The following PAH variants were observed in gnomAD, a reference collection of about 807,000 sequenced individuals.
The protein encoded by PAH is phenylalanine-4-hydroxylase.
In PAH, 64 loss-of-function variants were observed where a neutral mutation model predicts 62.0. The observed-to-expected ratio is 1.03, with a 90% CI of 0.84 to 1.27. PAH has a LOEUF of 1.27. Ranked by LOEUF, PAH falls within the 50% of genes most tolerant of loss-of-function variation. The pLI is 0.00. For synonymous variants in PAH, 195 were observed against 196.2 expected (o/e 0.99, Z 0.05); for missense variants, 579 against 542.8 (o/e 1.07, Z -0.66).
At position 102,931,062 on chromosome 12, in the gene PAH, C is replaced by T. The variant is rs758018837; in HGVS notation, c.-95-13837G>A. On this transcript the variant is annotated intron_variant, in intron 1 of 3. Transcript: ENST00000546844. ...AAAAATACAGAAACAGTTACTATAG[C>T]GGTTGATTAGATAATTTATTAATAA... Among the ~76,000 whole-genome samples the T allele has an allele frequency of 1.1e-4, 16 of 152,066 alleles. No individual in the cohort carries two copies. In the East Asian group the frequency reaches 1.2e-3, roughly 11 times the overall value.
chr12:102,903,080 G>C (rs1347067720), intron 2 of PAH, among the ~76,000 whole-genome samples: 1 of 152,206 alleles, frequency 6.6e-6, no homozygotes, highest in Non-Finnish European at 1.5e-5. Context: ...GACCCTGTGG[G>C]CTGGGCACGG....
intron 2 of PAH, among the ~76,000 whole-genome samples, chr12:102,902,284 G>A (rs1440299468): frequency 6.6e-6 from 1 of 152,222 alleles, no homozygotes; most frequent in Non-Finnish European, 1.5e-5. Flanking sequence ...ACCAGGCAGA[G>A]AAGTTACCAG....
chr12:102,932,273 T>TA (rs1255985680), intron 1 of PAH, among the ~76,000 whole-genome samples: 1 of 152,322 alleles, frequency 6.6e-6, no homozygotes, highest in Admixed American at 6.5e-5. Flanking sequence ...TTCTTATACT[T>TA]ACAGCTTATG....
In PAH at chr12:102,855,222, T is replaced by C. The variant is rs62508721; in HGVS notation, c.620A>G (p.Asn207Ser). 2 of 1,614,112 alleles carry C rather than the reference T, an allele frequency of 1.2e-6. No homozygotes were observed. The highest frequency in any genetic ancestry group is 1.1e-5 in the South Asian group (1 of 91,088). The change falls in exon 6 of 13, where the codon AAT (asparagine) becomes AGT (serine). Residue 207 changes from asparagine to serine, a missense_variant. Coordinates refer to ENST00000553106, the MANE Select transcript of PAH (RefSeq NM_000277.3). ...CTTTTCAAGAAGTGGAAAAATGTGATTGTACTCATAGCAAGCATGGGTTTT... is the reference window on the plus strand; with the variant it reads ...CTTTTCAAGAAGTGGAAAAATGTGACTGTACTCATAGCAAGCATGGGTTTT... ...LYKTHACYEY[N>S]HIFPLLEKYC...
chr12:102,958,292 C>G, exon 1 of PAH: 2 of 1,479,434 alleles, frequency 1.4e-6, no homozygotes, highest in Non-Finnish European at 1.8e-6. Flanking sequence ...GCCAGCAGCC[C>G]CAGCCGCAGC....
At position 102,868,005 on chromosome 12, in the gene PAH, TATATAC is replaced by T. The variant is rs1565854545; in HGVS notation, c.442-1348_442-1343del. The stretch of plus-strand genomic sequence containing the variant: ...TAGATGTATATTACATGTATATATG[TATATAC>T]ATATATACATATATACATGTATATA... On this transcript the variant is annotated intron_variant, in intron 4 of 12. Coordinates refer to ENST00000553106, the MANE Select transcript of PAH (RefSeq NM_000277.3). Among the ~76,000 whole-genome samples the T allele has an allele frequency of 4.9e-4, 69 of 140,484 alleles. 2 individuals are homozygous for T. Among genetic ancestry groups the T allele is most frequent in the African/African-American group, 1.4e-3 (54 of 37,338 alleles). The allele number at this position is 140,484 out of a possible 152,430, so 92.2% of individuals were successfully genotyped here.
At chr12:102,851,966 C>T (rs528132036) in intron 7 of PAH, 9 of 559,834 alleles carry the variant, frequency 1.6e-5, no homozygotes, top group Middle Eastern at 4.8e-4. Flanking sequence ...AAATAAGAGA[C>T]AGGTGCAGGG....
At chr12:102,883,238 A>T (rs937509114) in intron 3 of PAH, among the ~76,000 whole-genome samples, 1 of 152,232 alleles carries the variant, frequency 6.6e-6, no homozygotes, top group Admixed American at 6.5e-5. Context: ...TTTATTTTTC[A>T]GAAGTACAGT....
chr12:102,939,915 T>G (rs999909483), intron 1 of PAH, among the ~76,000 whole-genome samples: 1 of 152,012 alleles, frequency 6.6e-6, no homozygotes, highest in Non-Finnish European at 1.5e-5. Context: ...GGCCAGCACT[T>G]GACTGGGAGA....
chr12:102,940,316 T>A (rs1879247130), intron 1 of PAH, among the ~76,000 whole-genome samples: 1 of 152,192 alleles, frequency 6.6e-6, no homozygotes, highest in Admixed American at 6.5e-5. Context: ...GTGATGCTTC[T>A]TAAGGAGAAT....
At position 102,844,440 on chromosome 12, in the gene PAH, G is replaced by A; in HGVS notation, c.970-9C>T. 4 of 1,591,506 alleles carry A rather than the reference G, an allele frequency of 2.5e-6. No individual in the cohort carries two copies. Among genetic ancestry groups the A allele is most frequent in the Non-Finnish European group, 3.4e-6 (4 of 1,159,856 alleles). ...ACAGTAAACCAGTAAATCTGGAATG[G>A]AAAGTCAATCTGAGAGCACACTCTA... On this transcript the variant is annotated splice_polypyrimidine_tract_variant and intron_variant, in intron 9 of 12. Coordinates refer to ENST00000553106, the MANE Select transcript of PAH (RefSeq NM_000277.3).
At chr12:102,923,393 G>A (rs1268284707) in intron 1 of PAH, among the ~76,000 whole-genome samples, 3 of 152,188 alleles carry the variant, frequency 2.0e-5, no homozygotes. Context: ...ACAGTTTGGT[G>A]AAATGGATAT....
At chr12:102,903,726 T>C (rs1187251286) in intron 2 of PAH, among the ~76,000 whole-genome samples, 1 of 152,200 alleles carries the variant, frequency 6.6e-6, no homozygotes, top group Non-Finnish European at 1.5e-5. Flanking sequence ...TGGAAGCTTG[T>C]TTAGTCTGAG....
At chr12:102,847,646 T>G (rs1194849494) in intron 8 of PAH, among the ~76,000 whole-genome samples, 3 of 152,140 alleles carry the variant, frequency 2.0e-5, no homozygotes, top group Non-Finnish European at 2.9e-5. Flanking sequence ...TACATAACTA[T>G]GTTAGAAGAA....
rs2136734250 is a variant in PAH at position 102,917,153 on chromosome 12, C to T, written c.-23G>A. 2 of 1,613,734 alleles carry T rather than the reference C, an allele frequency of 1.2e-6. No homozygotes were observed. The highest frequency in any genetic ancestry group is 1.7e-6 in the Non-Finnish European group (2 of 1,179,678). ...CATGCTGGCTCCCCGGGAGTGAGGTCTCTGGCTTTTTAGGGCCTCAGGTAC... is the reference window on the plus strand; with the variant it reads ...CATGCTGGCTCCCCGGGAGTGAGGTTTCTGGCTTTTTAGGGCCTCAGGTAC... On this transcript the variant is annotated 5_prime_UTR_variant, in exon 1 of 13. Coordinates refer to ENST00000553106, the MANE Select transcript of PAH (RefSeq NM_000277.3).
intron 1 of PAH, among the ~76,000 whole-genome samples, chr12:102,948,837 C>A (rs1879611428): frequency 6.6e-6 from 1 of 152,172 alleles, no homozygotes; most frequent in Non-Finnish European, 1.5e-5. Context: ...GATAAAGCTT[C>A]AGAATCTGAA....
chr12:102,902,396 G>A (rs1296068331), intron 2 of PAH, among the ~76,000 whole-genome samples: 1 of 152,194 alleles, frequency 6.6e-6, no homozygotes, highest in Admixed American at 6.5e-5. Context: ...CAGAAGAGAG[G>A]TATCATTTGA....
At chr12:102,907,472 A>G (rs1878021754) in intron 2 of PAH, among the ~76,000 whole-genome samples, 1 of 152,204 alleles carries the variant, frequency 6.6e-6, no homozygotes, top group Non-Finnish European at 1.5e-5. Context: ...CCATAAAGTG[A>G]GAGTACCACC....
At chr12:102,844,831 C>T (rs1265821315) in intron 9 of PAH, among the ~76,000 whole-genome samples, 1 of 152,174 alleles carries the variant, frequency 6.6e-6, no homozygotes, top group African/African-American at 2.4e-5. Context: ...AGACTGAGAG[C>T]TATACCATCA....
Sources: gnomAD v4.1 joint callset for allele counts (sites outside exome capture counted in the v4.1 genomes callset) on GRCh38, gnomAD v4.1.1 for gene constraint, MANE v1.5 for transcripts, NCBI Gene and HGNC (gene_info 2026-07-23, HGNC 2026-07-21) for gene names.